The following SPAM1 variants were observed in gnomAD, a reference collection of about 807,000 sequenced individuals.
The protein encoded by SPAM1 is sperm adhesion molecule 1, also known as hyaluronidase PH-20.
SPAM1 carries 22 observed loss-of-function variants against 29.6 expected under a neutral mutation model. The observed-to-expected ratio is 0.74, with a 90% CI of 0.53 to 1.06. The LOEUF (loss-of-function observed/expected upper bound fraction) is 1.06. Ranked by LOEUF, SPAM1 falls within the 50% of genes least tolerant of loss-of-function variation. The probability of loss-of-function intolerance (pLI) is 0.00; values close to 1 mark genes in which losing one functional copy is unlikely to be tolerated. For missense variants in SPAM1, 534 were observed against 604.0 expected (o/e 0.88, Z 1.21); for synonymous variants, 194 against 204.6 (o/e 0.95, Z 0.44).
intron 1 of SPAM1, among the ~76,000 whole-genome samples, chr7:123,942,411 T>C (rs754897720): frequency 2.6e-5 from 4 of 152,222 alleles, no homozygotes; most frequent in South Asian, 2.1e-4. Flanking sequence ...CTGAGATAGT[T>C]TGAAACACAT....
At chr7:123,952,328 A>G (rs887464963) in intron 2 of SPAM1, among the ~76,000 whole-genome samples, 2 of 152,108 alleles carry the variant, frequency 1.3e-5, no homozygotes, top group African/African-American at 2.4e-5. Flanking sequence ...ATGACTGGAT[A>G]ATTTGCTATG....
chr7:123,948,646 T>G (rs1808665653), intron 1 of SPAM1, among the ~76,000 whole-genome samples: 1 of 152,148 alleles, frequency 6.6e-6, no homozygotes, highest in Admixed American at 6.6e-5. Flanking sequence ...TGTTATGGTT[T>G]GCTTTCACCA....
chr7:123,938,257 C>T (rs1354061971), intron 1 of SPAM1, among the ~76,000 whole-genome samples: 1 of 152,072 alleles, frequency 6.6e-6, no homozygotes, highest in Non-Finnish European at 1.5e-5. Flanking sequence ...CACATACCAC[C>T]ATGCCTGGCT....
intron 5 of SPAM1, among the ~76,000 whole-genome samples, chr7:123,966,434 G>T (rs1792425440): frequency 6.6e-6 from 1 of 151,918 alleles, no homozygotes; most frequent in African/African-American, 2.4e-5. Flanking sequence ...ATATCCAAAG[G>T]AATATAAATC....
chr7:123,934,181 C>T (rs1808179890), intron 1 of SPAM1, among the ~76,000 whole-genome samples: 1 of 152,040 alleles, frequency 6.6e-6, no homozygotes, highest in African/African-American at 2.4e-5. Context: ...AAATAACCTA[C>T]AAATGCATTT....
In SPAM1 at chr7:123,947,483, G is replaced by A. The variant is rs141828258; in HGVS notation, c.-318-2389G>A. 3.7e-3 allele frequency among the ~76,000 whole-genome samples: 570 copies of A among 152,066 alleles called. 3 individuals are homozygous for A. The highest frequency in any genetic ancestry group is 5.1e-3 in the Non-Finnish European group (345 of 67,994). ...GAGGATCACTTGAGCTTGGGAGTTG[G>A]AGGTTGTAGTGAGCTAAGATGGTGC... On this transcript the variant is annotated intron_variant, in intron 1 of 4. Coordinates refer to ENST00000682466, the MANE Select transcript of SPAM1 (RefSeq NM_153189.3).
intron 5 of SPAM1, among the ~76,000 whole-genome samples, chr7:123,967,572 A>G (rs76511367): frequency 0.087 from 13,185 of 151,814 alleles, 679 homozygotes; most frequent in South Asian, 0.12. Flanking sequence ...TTTGTGAAAC[A>G]GCATGGTGTA....
At chr7:123,928,212 T>C (rs1017765089) in intron 1 of SPAM1, among the ~76,000 whole-genome samples, 6 of 152,152 alleles carry the variant, frequency 3.9e-5, no homozygotes, top group African/African-American at 1.4e-4. Context: ...GAAAGGCTAA[T>C]TACTTTTCCA....
downstream of SPAM1, among the ~76,000 whole-genome samples, chr7:123,962,258 C>T (rs1584964257): frequency 1.3e-5 from 2 of 151,722 alleles, no homozygotes; most frequent in East Asian, 1.9e-4. Flanking sequence ...TTTGCGTTTC[C>T]CTGATGATTA....
chr7:123,946,064 C>T (rs1169964789), intron 1 of SPAM1, among the ~76,000 whole-genome samples: 2 of 152,128 alleles, frequency 1.3e-5, no homozygotes, highest in South Asian at 2.1e-4. Context: ...CAGCTACTTA[C>T]CAAGGAGTGG....
At chr7:123,961,378 A>C (rs1037733156), downstream of SPAM1, among the ~76,000 whole-genome samples, 2 of 151,768 alleles carry the variant, frequency 1.3e-5, no homozygotes, top group Non-Finnish European at 2.9e-5. Flanking sequence ...CTGTGATTTC[A>C]ATTTTTTTAG....
At chr7:123,967,177 A>G (rs1463396519) in intron 5 of SPAM1, among the ~76,000 whole-genome samples, 2 of 151,956 alleles carry the variant, frequency 1.3e-5, no homozygotes, top group Non-Finnish European at 2.9e-5. Context: ...CAACAGTAAC[A>G]TTTCTGTGTC....
chr7:123,943,455 T>C (rs1450947320), intron 1 of SPAM1, among the ~76,000 whole-genome samples: 1 of 152,182 alleles, frequency 6.6e-6, no homozygotes, highest in Non-Finnish European at 1.5e-5. Flanking sequence ...TTTCACATAA[T>C]AATCATAATT....
At chr7:123,936,540 G>T (rs1304537369) in intron 1 of SPAM1, among the ~76,000 whole-genome samples, 1 of 152,172 alleles carries the variant, frequency 6.6e-6, no homozygotes. Context: ...CAATCTTATA[G>T]CAGTCTACGT....
chr7:123,944,064 G>A (rs979094079), intron 1 of SPAM1, among the ~76,000 whole-genome samples: 2 of 152,090 alleles, frequency 1.3e-5, no homozygotes, highest in African/African-American at 4.8e-5. Context: ...TCTTGCTTCA[G>A]CGTGCCTTCA....
Position 123,953,366 on chromosome 7 carries a change from T to C in SPAM1, c.-205T>C. The stretch of plus-strand genomic sequence containing the variant: ...ATGTATTCTGTATTTCTTTTTCAGT[T>C]ATAGGTGATGCAACTTGAAAAACAA... On this transcript the variant is annotated splice_region_variant and 5_prime_UTR_variant, in exon 3 of 5. Transcript: ENST00000682466. 2.1e-6 allele frequency: 1 copy of C among 466,572 alleles called. No individual in the cohort carries two copies. Among genetic ancestry groups the C allele is most frequent in the Non-Finnish European group, 3.7e-6 (1 of 268,296 alleles). 28.9% of individuals were successfully genotyped at this position (466,572 alleles called of 1,614,324 possible). A position where few individuals can be genotyped will look rare whatever the true frequency, so the allele number is the denominator to read the frequency against.
chr7:123,971,337 T>C (rs374518305), exon 7 of SPAM1: 2 of 152,160 alleles, frequency 1.3e-5, no homozygotes, highest in African/African-American at 2.4e-5. Flanking sequence ...TCAGGCAATA[T>C]GCTTAAAAAT....
downstream of SPAM1, chr7:123,960,070 T>C: frequency 6.8e-7 from 1 of 1,480,568 alleles, no homozygotes. Flanking sequence ...AAGATCATTT[T>C]TGGAAAGTTC....
downstream of SPAM1, among the ~76,000 whole-genome samples, chr7:123,962,806 C>T (rs1397063884): frequency 6.6e-6 from 1 of 151,642 alleles, no homozygotes; most frequent in Non-Finnish European, 1.5e-5. Context: ...TTTTTTTGTA[C>T]ATAATTCTGT....
Sources: allele counts gnomAD v4.1 joint callset (sites outside exome capture counted in the v4.1 genomes callset), GRCh38; gene constraint gnomAD v4.1.1; transcripts MANE v1.5; gene names NCBI Gene and HGNC (gene_info 2026-07-23, HGNC 2026-07-21).